WDR35: variants seen among roughly 807,000 people sequenced by gnomAD.
WDR35 encodes WD repeat-containing protein 35.
WDR35 carries 118 observed loss-of-function variants against 158.3 expected under a neutral mutation model. That is an observed-to-expected ratio of 0.75 (90% CI 0.64 to 0.87). WDR35 has a LOEUF of 0.87. WDR35 is among the 40% of genes least tolerant of loss of function. The pLI, the probability that WDR35 is intolerant of heterozygous loss-of-function variation, is 0.00. For missense variants in WDR35, 1,263 were observed against 1,405.8 expected (o/e 0.90, Z 1.62); for synonymous variants, 448 against 476.1 (o/e 0.94, Z 0.77).
rs193226231 is a variant in WDR35, at chr2:19,924,750, G to A, written c.3121+5646C>T. 3.3e-5 allele frequency among the ~76,000 whole-genome samples: 5 copies of A among 152,234 alleles called. No individual in the cohort carries two copies. In the East Asian group the frequency reaches 7.7e-4, roughly 24 times the overall value. ...CTGCATAAGGCTACTCTGCTAGCAC[G>A]AGCAATGGCAGGACTAAGAGTGGAT... On this transcript the variant is annotated intron_variant, in intron 25 of 26. Coordinates refer to ENST00000281405, the MANE Select transcript of WDR35 (RefSeq NM_020779.4).
intron 25 of WDR35, among the ~76,000 whole-genome samples, chr2:19,929,333 T>C (rs1041052596): frequency 2.0e-5 from 3 of 152,222 alleles, no homozygotes; most frequent in Non-Finnish European, 4.4e-5. Flanking sequence ...TCTTTTAATA[T>C]CATGCCATTG....
At chr2:19,940,161 T>C (rs565415395) in intron 17 of WDR35, among the ~76,000 whole-genome samples, 1 of 145,938 alleles carries the variant, frequency 6.9e-6, no homozygotes, top group East Asian at 2.0e-4. Context: ...AAGACCACCC[T>C]TGACCAACAT....
At chr2:19,946,057 GAAT>G in intron 15 of WDR35, 61 bp from the exon 16 acceptor site, 2 of 1,509,784 alleles carry the variant, frequency 1.3e-6, no homozygotes, top group South Asian at 2.3e-5. Context: ...GCAATCATGA[GAAT>G]AATTACCTAT....
At chr2:19,945,673 C>A in intron 16 of WDR35, 113 bp downstream of exon 16, 1 of 1,139,334 alleles carries the variant, frequency 8.8e-7, no homozygotes, top group South Asian at 1.3e-5. Context: ...ATTCATGCAG[C>A]CGTGTTGGCA....
chr2:19,976,745 G>C (rs1672228150), intron 5 of WDR35, among the ~76,000 whole-genome samples: 1 of 145,976 alleles, frequency 6.9e-6, no homozygotes, highest in Non-Finnish European at 1.5e-5. Flanking sequence ...GCTGCCATTA[G>C]CCCATATACT....
Position 19,940,213 on chromosome 2 carries a change from A to C in WDR35, c.1926+1546T>G, listed in dbSNP as rs1670830029. Reference sequence around the variant, plus strand: ...ACAAAAAAAAAAAAAAAAAAACACAAAAAATTAGCCAAGCATGGCGGCCTG... The same window carrying C: ...ACAAAAAAAAAAAAAAAAAAACACACAAAATTAGCCAAGCATGGCGGCCTG... On this transcript the variant is annotated intron_variant, in intron 17 of 26. Coordinates refer to ENST00000281405, the MANE Select transcript of WDR35 (RefSeq NM_020779.4). 2.0e-5 allele frequency among the ~76,000 whole-genome samples: 3 copies of C among 151,328 alleles called. No homozygotes were observed. The South Asian group carries it at 6.3e-4, about 32-fold the overall frequency.
At chr2:19,918,348 A>G (rs1384485131) in intron 25 of WDR35, among the ~76,000 whole-genome samples, 1 of 152,236 alleles carries the variant, frequency 6.6e-6, no homozygotes, top group Non-Finnish European at 1.5e-5. Flanking sequence ...CAGACAGAAT[A>G]ACCAGCTAGC....
intron 19 of WDR35, 45 bp downstream of exon 19, chr2:19,937,698 T>C (rs1670742065): frequency 6.2e-7 from 1 of 1,610,900 alleles, no homozygotes; most frequent in Non-Finnish European, 8.5e-7. Flanking sequence ...AATACAATGA[T>C]GAACTGATAG....
In WDR35 at chr2:19,932,434, A is replaced by G. The variant is rs370706293; in HGVS notation, c.2672T>C (p.Val891Ala). Residue 891 changes from valine (V) to alanine (A), a missense_variant, in exon 23 of 27, where the codon GTT becomes GCT. Transcript: ENST00000281405. The part of the protein sequence containing the change: ...CVHLNQWNKA[V>A]ELAKNHSMKE... The stretch of plus-strand genomic sequence containing the variant: ...CATACTATGATTTTTAGCCAATTCA[A>G]CAGCTTTGTTCCACTAGGAGAAAAA... 1.9e-5 allele frequency: 31 copies of G among 1,613,290 alleles called. No homozygotes were observed. The East Asian group carries it at 3.4e-4, about 17-fold the overall frequency.
chr2:19,957,818 G>A (rs1671498009), intron 11 of WDR35, among the ~76,000 whole-genome samples: 1 of 152,298 alleles, frequency 6.6e-6, no homozygotes, highest in Non-Finnish European at 1.5e-5. Context: ...CTCCCAAAGT[G>A]CTGGGATTAC....
intron 12 of WDR35, among the ~76,000 whole-genome samples, chr2:19,952,828 G>A (rs1328554762): frequency 4.2e-5 from 5 of 117,764 alleles, no homozygotes; most frequent in African/African-American, 1.0e-4. Context: ...TCGCTCTGTC[G>A]CCCAGGCTGG....
chr2:19,913,812 G>A, intron 26 of WDR35, 104 bp from the exon 27 acceptor site: 1 of 1,501,364 alleles, frequency 6.7e-7, no homozygotes, highest in East Asian at 2.4e-5. Context: ...CTTCTGAGAT[G>A]AACATCAAAT....
chr2:19,955,714 C>G (rs1445983971), intron 11 of WDR35, among the ~76,000 whole-genome samples: 1 of 152,090 alleles, frequency 6.6e-6, no homozygotes, highest in Non-Finnish European at 1.5e-5. Context: ...AAAGACATAA[C>G]GTTACTAGGA....
At chr2:19,932,590 A>G in intron 22 of WDR35, 143 bp from the exon 23 acceptor site, 1 of 992,120 alleles carries the variant, frequency 1.0e-6, no homozygotes, top group South Asian at 1.5e-5. Flanking sequence ...AGCATTTAAA[A>G]TCACAGCAAC....
Position 19,938,331 on chromosome 2 carries a change from A to C in WDR35, c.1997T>G (p.Leu666Arg). Residue 666 changes from leucine (L) to arginine (R), a missense_variant, in exon 18 of 27, where the codon CTG becomes CGG. By Grantham distance (102) the Leu-to-Arg change is moderately radical. Coordinates refer to ENST00000281405, the MANE Select transcript of WDR35 (RefSeq NM_020779.4). ...EIRSLRDSRA[L>R]IEKVGIKDAS... is the part of the protein sequence containing the mutation. ...ATCTTTAATTCCAACCTTCTCAATC[A>C]GTGCTCGGCTATCTCGCAGAGACCG... 6.2e-7 allele frequency: 1 copy of C among 1,614,104 alleles called. No homozygotes were observed. Among genetic ancestry groups the C allele is most frequent in the Non-Finnish European group, 8.5e-7 (1 of 1,180,000 alleles).
chr2:19,932,562 C>G, intron 22 of WDR35, 115 bp from the exon 23 acceptor site: 1 of 1,304,920 alleles, frequency 7.7e-7, no homozygotes, highest in Non-Finnish European at 1.1e-6. Flanking sequence ...AAATTAAAAA[C>G]TGGTATGTTT....
At chr2:19,982,697 C>T (rs893182087) in intron 2 of WDR35, among the ~76,000 whole-genome samples, 163 bp from the exon 3 acceptor site, 2 of 152,120 alleles carry the variant, frequency 1.3e-5, no homozygotes, top group African/African-American at 4.8e-5. Context: ...AACACATACC[C>T]CTTGCAAAGA....
chr2:19,943,187 C>G (rs546113709), intron 16 of WDR35, among the ~76,000 whole-genome samples: 1 of 152,164 alleles, frequency 6.6e-6, no homozygotes, highest in South Asian at 2.1e-4. Context: ...AATGCAAGCA[C>G]AAGCAAACAA....
At chr2:19,982,748 T>C (rs1672424457) in intron 2 of WDR35, among the ~76,000 whole-genome samples, 1 of 152,218 alleles carries the variant, frequency 6.6e-6, no homozygotes, top group Admixed American at 6.5e-5. Context: ...ATGAAGATTG[T>C]TTACTCATAC....
Sources: gnomAD v4.1 joint callset for allele counts (sites outside exome capture counted in the v4.1 genomes callset) on GRCh38, gnomAD v4.1.1 for gene constraint, MANE v1.5 for transcripts, NCBI Gene and HGNC (gene_info 2026-07-23, HGNC 2026-07-21) for gene names.